The following AOPEP variants were observed in gnomAD, a reference collection of about 807,000 sequenced individuals.
The protein encoded by AOPEP is aminopeptidase O.
AOPEP carries 77 observed loss-of-function variants against 98.1 expected under a neutral mutation model. The observed-to-expected ratio is 0.78, with a 90% CI of 0.65 to 0.95. The LOEUF (loss-of-function observed/expected upper bound fraction) is 0.95. Among genes scored for constraint, AOPEP ranks in the 40% least tolerant of loss-of-function variants. The probability of loss-of-function intolerance (pLI) is 0.00; values close to 1 mark genes in which losing one functional copy is unlikely to be tolerated. For synonymous variants in AOPEP, 346 were observed against 365.3 expected (o/e 0.95, Z 0.60); for missense variants, 1,024 against 1,024.7 (o/e 1.00, Z 0.01).
intron 13 of AOPEP, among the ~76,000 whole-genome samples, chr9:95,046,744 T>C (rs191908068): frequency 4.6e-5 from 7 of 152,222 alleles, no homozygotes; most frequent in African/African-American, 1.7e-4. Context: ...TTATTTCATC[T>C]GCAGAACAAG....
chr9:94,872,492 T>C (rs1011991284), intron 5 of AOPEP, among the ~76,000 whole-genome samples: 5 of 152,150 alleles, frequency 3.3e-5, no homozygotes, highest in Non-Finnish European at 7.3e-5. Context: ...GATCATTAAC[T>C]CAACAAGCAG....
chr9:94,941,552 C>G (rs191685573), intron 7 of AOPEP, among the ~76,000 whole-genome samples: 2 of 152,368 alleles, frequency 1.3e-5, no homozygotes, highest in East Asian at 1.9e-4. Flanking sequence ...TTTCCTGTTT[C>G]AAAGGTCAGC....
intron 7 of AOPEP, among the ~76,000 whole-genome samples, chr9:94,931,381 T>C (rs566039290): frequency 4.7e-4 from 71 of 152,324 alleles, no homozygotes; most frequent in Non-Finnish European, 8.4e-4. Flanking sequence ...AAAGGCTTAT[T>C]GCACATCAAT....
In AOPEP at chr9:94,791,944, A is replaced by G. The variant is rs556630741; in HGVS notation, c.965-821A>G. Among the ~76,000 whole-genome samples the G allele has an allele frequency of 3.9e-5, 6 of 152,366 alleles. No individual in the cohort carries two copies. In the East Asian group the frequency reaches 9.6e-4, roughly 24 times the overall value. ...TATGACACATTCAGATTTCAGAAACATGAAAATTATTTTTACATCTCAGAA... is the reference window on the plus strand; with the variant it reads ...TATGACACATTCAGATTTCAGAAACGTGAAAATTATTTTTACATCTCAGAA... On this transcript the variant is annotated intron_variant, in intron 3 of 16. Transcript: ENST00000375315.
chr9:95,048,224 CT>C (rs1243027986), intron 13 of AOPEP, among the ~76,000 whole-genome samples: 1 of 151,764 alleles, frequency 6.6e-6, no homozygotes, highest in Admixed American at 6.6e-5. Flanking sequence ...TAGTTTTAAA[CT>C]TTTTTTCTTA....
intron 9 of AOPEP, among the ~76,000 whole-genome samples, chr9:94,956,628 G>C (rs1332647721): frequency 6.6e-6 from 1 of 152,198 alleles, no homozygotes; most frequent in Non-Finnish European, 1.5e-5. Flanking sequence ...CAGACAGCCT[G>C]GCCACAAAAC....
At chr9:94,926,363 G>A (rs1039167981) in intron 6 of AOPEP, among the ~76,000 whole-genome samples, 2 of 152,176 alleles carry the variant, frequency 1.3e-5, no homozygotes, top group Admixed American at 1.3e-4. Flanking sequence ...AGCCTAAAGG[G>A]ACAGCAGGAG....
chr9:94,741,231 G>T (rs1832993252), intron 1 of AOPEP, among the ~76,000 whole-genome samples: 1 of 151,368 alleles, frequency 6.6e-6, no homozygotes, highest in Non-Finnish European at 1.5e-5. Context: ...ATTCATTCAG[G>T]GCCTTTTTCC....
intron 2 of AOPEP, among the ~76,000 whole-genome samples, chr9:94,761,186 G>T (rs1265243132): frequency 6.6e-6 from 1 of 152,164 alleles, no homozygotes; most frequent in African/African-American, 2.4e-5. Context: ...GGCTTCTTTG[G>T]CTGTGATTCT....
chr9:94,858,913 A>G (rs966837649), intron 5 of AOPEP, among the ~76,000 whole-genome samples: 1 of 151,562 alleles, frequency 6.6e-6, no homozygotes, highest in African/African-American at 2.4e-5. Flanking sequence ...CTGTAGTCCC[A>G]GCTACTCAGG....
chr9:95,135,910 C>T, the AOPEP span, among the ~76,000 whole-genome samples: 2 of 152,166 alleles, frequency 1.3e-5, no homozygotes, highest in Admixed American at 6.5e-5. Flanking sequence ...TCGGTCCCAG[C>T]GCCACTGCCT....
At chr9:94,755,312 GGCCTTGCAAGGTGGCCACATACAT>G (rs1377801714) in intron 1 of AOPEP, among the ~76,000 whole-genome samples, 1 of 152,142 alleles carries the variant, frequency 6.6e-6, no homozygotes, top group African/African-American at 2.4e-5. Flanking sequence ...TGCTGAGAGA[GGCCTTGCAAGGTGGCCACATACAT>G]GCATTTGCAA....
chr9:94,771,855 C>T (rs1356778961), intron 2 of AOPEP, among the ~76,000 whole-genome samples: 5 of 152,022 alleles, frequency 3.3e-5, no homozygotes, highest in Admixed American at 1.3e-4. Flanking sequence ...TGGCTAATCC[C>T]TGGGTTGTCT....
At chr9:94,981,325 A>G (rs941823736) in intron 11 of AOPEP, among the ~76,000 whole-genome samples, 5 of 152,226 alleles carry the variant, frequency 3.3e-5, no homozygotes, top group African/African-American at 9.6e-5. Flanking sequence ...GACAGCTTAT[A>G]GTGTAGACAA....
intron 11 of AOPEP, among the ~76,000 whole-genome samples, chr9:94,990,093 G>A (rs1402765935): frequency 6.6e-6 from 1 of 152,178 alleles, no homozygotes; most frequent in East Asian, 1.9e-4. Flanking sequence ...TTTGAGACCT[G>A]CGAAGAACTG....
At position 95,064,965 on chromosome 9, in the gene AOPEP, A is replaced by G. The variant is rs2067728101; in HGVS notation, c.2232+4155A>G. Among the ~76,000 whole-genome samples the G allele has an allele frequency of 2.6e-5, 4 of 152,330 alleles. No homozygotes were observed. The South Asian group carries it at 8.3e-4, about 32-fold the overall frequency. On this transcript the variant is annotated intron_variant, in intron 14 of 16. Transcript: ENST00000375315. ...TCCTTTCAGTGCTAGAACTCTTTCC[A>G]TTAGAGATGACTTTCGTCTTCTGCT... is the stretch of plus-strand genomic sequence containing the variant.
chr9:95,009,469 A>G (rs1192542955), intron 13 of AOPEP, among the ~76,000 whole-genome samples: 2 of 152,170 alleles, frequency 1.3e-5, no homozygotes, highest in African/African-American at 4.8e-5. Flanking sequence ...CCTAGTCTAT[A>G]TATATAGTAA....
At chr9:94,982,056 C>T (rs2060218742) in intron 11 of AOPEP, among the ~76,000 whole-genome samples, 1 of 152,180 alleles carries the variant, frequency 6.6e-6, no homozygotes, top group African/African-American at 2.4e-5. Context: ...AATATCCCAA[C>T]TCTATAACCT....
intron 5 of AOPEP, among the ~76,000 whole-genome samples, chr9:94,826,219 G>T (rs950290417): frequency 6.6e-6 from 1 of 152,162 alleles, no homozygotes; most frequent in Non-Finnish European, 1.5e-5. Flanking sequence ...TGTTTCGTCC[G>T]CGGGCTTCAA....
Sources: gnomAD v4.1 joint callset for allele counts (sites outside exome capture counted in the v4.1 genomes callset) on GRCh38, gnomAD v4.1.1 for gene constraint, MANE v1.5 for transcripts, NCBI Gene and HGNC (gene_info 2026-07-23, HGNC 2026-07-21) for gene names.